The following NAA38 variants were observed in gnomAD, a reference collection of about 807,000 sequenced individuals.
NAA38 encodes the protein LSM domain containing 1.
Under a neutral mutation model 12.6 loss-of-function variants are expected in NAA38, and 15 were observed. That is an observed-to-expected ratio of 1.19 (90% CI 0.79 to 1.83). The LOEUF (loss-of-function observed/expected upper bound fraction) is 1.83. NAA38 is among the 40% of genes most tolerant of loss of function. The pLI is 0.00. For synonymous variants in NAA38, 88 were observed against 69.9 expected (o/e 1.26, Z -1.29); for missense variants, 183 against 171.7 (o/e 1.07, Z -0.37).
chr17:7,882,726 A>G (rs1383322358), intron 2 of NAA38, among the ~76,000 whole-genome samples: 2 of 152,228 alleles, frequency 1.3e-5, no homozygotes, highest in African/African-American at 4.8e-5. Flanking sequence ...AATAAAGTGC[A>G]TTAGTGTGGG....
chr17:7,880,030 G>A (rs1250138903), intron 2 of NAA38, among the ~76,000 whole-genome samples: 1 of 151,774 alleles, frequency 6.6e-6, no homozygotes, highest in African/African-American at 2.4e-5. Context: ...GAGAGAAGAA[G>A]GGAAGACAGA....
In NAA38 at chr17:7,868,643, C is replaced by A. The variant is rs921563160; in HGVS notation, c.-65-2085G>T. On this transcript the variant is annotated intron_variant, in intron 2 of 4. Coordinates refer to the NAA38 transcript ENST00000576861. ...ATTAAATAAGGAATGGGAACCTGCCCAGCACTATAAAGAGTCCTTGGAAAA... is the reference window on the plus strand; with the variant it reads ...ATTAAATAAGGAATGGGAACCTGCCAAGCACTATAAAGAGTCCTTGGAAAA... Among the ~76,000 whole-genome samples the A allele has an allele frequency of 5.9e-5, 9 of 152,110 alleles. 1 individual carries two copies. The highest frequency in any genetic ancestry group is 5.2e-4 in the Admixed American group (8 of 15,282).
chr17:7,884,487 T>C (rs1158879458), intron 1 of NAA38, among the ~76,000 whole-genome samples: 1 of 143,452 alleles, frequency 7.0e-6, no homozygotes. Context: ...TGTATATATA[T>C]ATATATTTTA....
At chr17:7,884,443 CTT>C (rs1967424478) in intron 1 of NAA38, among the ~76,000 whole-genome samples, 1 of 109,384 alleles carries the variant, frequency 9.1e-6, no homozygotes, top group Non-Finnish European at 1.9e-5. Flanking sequence ...AAGTCGAAAA[CTT>C]TTATATATAT....
upstream of NAA38, chr17:7,859,268 G>T (rs2078863823): frequency 1.3e-6 from 1 of 784,672 alleles, no homozygotes. Context: ...TTTTTTCCCG[G>T]GGCCGTAGAG....
chr17:7,885,226 G>A, upstream of NAA38: 7 of 806,280 alleles, frequency 8.7e-6, no homozygotes, highest in Non-Finnish European at 1.0e-5. Context: ...GTGGCCCCGC[G>A]GCGGTCCGGG....
At chr17:7,872,973 C>T (rs1049089673) in intron 2 of NAA38, among the ~76,000 whole-genome samples, 1 of 152,178 alleles carries the variant, frequency 6.6e-6, no homozygotes. Flanking sequence ...AATATGGTAG[C>T]ACATAGGAGG....
At chr17:7,858,034 C>T (rs1405350570), upstream of NAA38, 52 of 1,548,590 alleles carry the variant, frequency 3.4e-5, no homozygotes, top group Non-Finnish European at 3.4e-5. Context: ...TAAACGCTCT[C>T]CCCTCGGCTC....
Position 7,879,781 on chromosome 17 carries a change from G to A in NAA38, c.-66+3454C>T, listed in dbSNP as rs1332227259. Reference sequence around the variant, plus strand: ...ATGAAAGTGACAGGCAGGGAGACAAGCAGCTAGACAGTGAGACACACAGGC... The same window carrying A: ...ATGAAAGTGACAGGCAGGGAGACAAACAGCTAGACAGTGAGACACACAGGC... On this transcript the variant is annotated intron_variant, in intron 2 of 4. Transcript: ENST00000576861. 3.3e-5 allele frequency among the ~76,000 whole-genome samples: 5 copies of A among 152,106 alleles called. No homozygotes were observed. In the East Asian group the frequency reaches 9.6e-4, roughly 29 times the overall value.
At chr17:7,871,689 C>CT (rs1250859642) in intron 2 of NAA38, among the ~76,000 whole-genome samples, 3 of 152,154 alleles carry the variant, frequency 2.0e-5, no homozygotes, top group Non-Finnish European at 4.4e-5. Context: ...TGGAGTCACT[C>CT]TGTCGCCCAG....
At chr17:7,876,748 C>T (rs945138160) in intron 2 of NAA38, among the ~76,000 whole-genome samples, 1 of 152,156 alleles carries the variant, frequency 6.6e-6, no homozygotes, top group African/African-American at 2.4e-5. Flanking sequence ...CTCCTCCCTT[C>T]ACCTAGTCAA....
intron 2 of NAA38, among the ~76,000 whole-genome samples, chr17:7,882,999 G>A (rs932358259): frequency 7.2e-5 from 11 of 152,168 alleles, no homozygotes; most frequent in African/African-American, 2.7e-4. Context: ...GAGTAAGAAA[G>A]GGTCAACAAG....
upstream of NAA38, chr17:7,859,659 G>T: frequency 1.3e-6 from 2 of 1,584,104 alleles, no homozygotes; most frequent in Non-Finnish European, 1.7e-6. Context: ...TTTCGAGTTT[G>T]GCTTTTTCTG....
At chr17:7,867,473 G>T (rs1967008754) in intron 2 of NAA38, among the ~76,000 whole-genome samples, 1 of 152,046 alleles carries the variant, frequency 6.6e-6, no homozygotes, top group African/African-American at 2.4e-5. Context: ...CGAGTAGCTG[G>T]GATTACAGGC....
chr17:7,884,672 G>C (rs1173103081), intron 1 of NAA38: 1 of 372,536 alleles, frequency 2.7e-6, no homozygotes, highest in Non-Finnish European at 4.8e-6. Flanking sequence ...GGGAGGCGGT[G>C]AGGAGGAGGA....
At chr17:7,874,825 C>A (rs1451476779) in intron 2 of NAA38, among the ~76,000 whole-genome samples, 1 of 139,066 alleles carries the variant, frequency 7.2e-6, no homozygotes, top group African/African-American at 2.7e-5. Flanking sequence ...GTGGAGGTTG[C>A]AGTGAACCAA....
At chr17:7,879,371 CAG>C (rs780399351) in intron 2 of NAA38, among the ~76,000 whole-genome samples, 1 of 152,128 alleles carries the variant, frequency 6.6e-6, no homozygotes, top group African/African-American at 2.4e-5. Flanking sequence ...TTCCCTACAT[CAG>C]AGTTTTAACC....
rs2078837072 is a variant in NAA38 at position 7,857,527 on chromosome 17, G to A, written c.-64C>T. ...GCACCTTTCAGGTTGGGTGGTCCGAGATCTCGCGAGCGCTCCCGACCTCTT... is the reference window on the plus strand; with the variant it reads ...GCACCTTTCAGGTTGGGTGGTCCGAAATCTCGCGAGCGCTCCCGACCTCTT... On this transcript the variant is annotated 5_prime_UTR_variant, in exon 1 of 3. Transcript: ENST00000575771. 4.1e-6 allele frequency: 6 copies of A among 1,469,916 alleles called. No individual in the cohort carries two copies. Among genetic ancestry groups the A allele is most frequent in the African/African-American group, 1.4e-5 (1 of 70,572 alleles). The allele number at this position is 1,469,916 out of a possible 1,614,324, so 91.1% of individuals were successfully genotyped here.
chr17:7,880,131 C>CA (rs1390627446), intron 2 of NAA38, among the ~76,000 whole-genome samples: 2 of 152,090 alleles, frequency 1.3e-5, no homozygotes, highest in Admixed American at 1.3e-4. Flanking sequence ...AGTGCTATCA[C>CA]ATACATTACT....
Sources: allele counts gnomAD v4.1 joint callset (sites outside exome capture counted in the v4.1 genomes callset), GRCh38; gene constraint gnomAD v4.1.1; transcripts MANE v1.5; gene names NCBI Gene and HGNC (gene_info 2026-07-23, HGNC 2026-07-21).